CLDN14: variants seen among roughly 807,000 people sequenced by gnomAD.
CLDN14 encodes claudin-14.
Under a neutral mutation model 2.1 loss-of-function variants are expected in CLDN14, and 2 were observed. The ratio of observed to expected loss-of-function variants is 0.96; its 90% CI spans 0.39 to 3.01. The LOEUF (loss-of-function observed/expected upper bound fraction) is 3.01. Among genes scored for constraint, CLDN14 ranks in the 30% most tolerant of loss-of-function variants. The pLI is 0.09. For missense variants in CLDN14, 298 were observed against 328.0 expected (o/e 0.91, Z 0.71); for synonymous variants, 136 against 154.4 (o/e 0.88, Z 0.88).
chr21:36,493,607 G>A (rs150541309), intron 2 of CLDN14, among the ~76,000 whole-genome samples: 136 of 152,028 alleles, frequency 8.9e-4, no homozygotes, highest in Middle Eastern at 3.4e-3. Context: ...CCTGGGGCAC[G>A]AGGAGGAGGA....
intron 2 of CLDN14, among the ~76,000 whole-genome samples, chr21:36,501,208 G>A (rs746351118): frequency 7.9e-5 from 12 of 152,126 alleles, no homozygotes; most frequent in Non-Finnish European, 1.6e-4. Context: ...AGCCCCATTT[G>A]CATGAAATGT....
intron 1 of CLDN14, among the ~76,000 whole-genome samples, chr21:36,473,368 G>T (rs140504886): frequency 8.9e-4 from 135 of 152,350 alleles, no homozygotes; most frequent in East Asian, 6.4e-3. Flanking sequence ...AATTACAGGT[G>T]TGAGCCACTG....
intron 1 of CLDN14, among the ~76,000 whole-genome samples, chr21:36,472,903 C>T (rs770496265): frequency 2.0e-5 from 3 of 152,230 alleles, no homozygotes; most frequent in Non-Finnish European, 4.4e-5. Flanking sequence ...CAAATACTAT[C>T]ACATCGGGGC....
chr21:36,569,415 C>CA (rs749837574), intron 1 of CLDN14, among the ~76,000 whole-genome samples: 12,959 of 119,276 alleles, frequency 0.11, 723 homozygotes, highest in African/African-American at 0.2. Context: ...GACTCCGTCT[C>CA]AAAAAAAAAA....
chr21:36,509,191 G>A (rs971614578), intron 2 of CLDN14, among the ~76,000 whole-genome samples: 2 of 152,232 alleles, frequency 1.3e-5, no homozygotes, highest in Admixed American at 6.5e-5. Flanking sequence ...AGCAGGAGGC[G>A]GCCCTAGCGC....
At chr21:36,495,061 C>T (rs965263617) in intron 2 of CLDN14, among the ~76,000 whole-genome samples, 4 of 152,178 alleles carry the variant, frequency 2.6e-5, no homozygotes, top group Admixed American at 1.3e-4. Flanking sequence ...AGCACGGTGC[C>T]TCACGCCTGT....
At chr21:36,571,632 G>A (rs1161567256) in intron 1 of CLDN14, among the ~76,000 whole-genome samples, 3 of 152,166 alleles carry the variant, frequency 2.0e-5, no homozygotes, top group African/African-American at 4.8e-5. Context: ...GTGTGAAGGA[G>A]TGAACTTCAA....
intron 1 of CLDN14, among the ~76,000 whole-genome samples, chr21:36,525,769 C>T (rs541317866): frequency 7.2e-5 from 11 of 152,198 alleles, no homozygotes; most frequent in East Asian, 3.8e-4. Context: ...ACTCCTCCAG[C>T]GATACAGCTG....
chr21:36,507,680 C>CT (rs1158399464), intron 2 of CLDN14, among the ~76,000 whole-genome samples: 1 of 152,140 alleles, frequency 6.6e-6, no homozygotes, highest in Non-Finnish European at 1.5e-5. Context: ...GGGAGAATCA[C>CT]TTGAAACCAG....
chr21:36,534,044 A>G (rs1490948385), intron 1 of CLDN14, among the ~76,000 whole-genome samples: 1 of 152,228 alleles, frequency 6.6e-6, no homozygotes, highest in East Asian at 1.9e-4. Context: ...GCTGAGGACT[A>G]GAACTGAACA....
intron 1 of CLDN14, chr21:36,576,272 T>C (rs2087740908): frequency 6.6e-6 from 1 of 152,224 alleles, no homozygotes; most frequent in Non-Finnish European, 1.5e-5. Context: ...TCTTTCTTTC[T>C]TTCCTTGAAC....
chr21:36,564,677 AG>A (rs2087660250), intron 1 of CLDN14, among the ~76,000 whole-genome samples: 1 of 152,204 alleles, frequency 6.6e-6, no homozygotes, highest in Non-Finnish European at 1.5e-5. Flanking sequence ...AGAACCCATG[AG>A]TATGTTATGT....
intron 1 of CLDN14, among the ~76,000 whole-genome samples, chr21:36,558,383 C>G (rs886149183): frequency 3.3e-5 from 5 of 151,996 alleles, no homozygotes; most frequent in African/African-American, 9.7e-5. Flanking sequence ...TAGTATGAAT[C>G]TTTTTAAACA....
chr21:36,478,946 A>G (rs1316788201), intron 1 of CLDN14, among the ~76,000 whole-genome samples: 1 of 151,710 alleles, frequency 6.6e-6, no homozygotes, highest in Non-Finnish European at 1.5e-5. Flanking sequence ...ACCATTTTTT[A>G]CCCTCATTGA....
intron 1 of CLDN14, among the ~76,000 whole-genome samples, chr21:36,472,925 A>G (rs1031166198): frequency 3.3e-5 from 5 of 152,214 alleles, no homozygotes; most frequent in Admixed American, 3.3e-4. Flanking sequence ...TAGGGCTCCA[A>G]CATAGGAATT....
At chr21:36,526,999 G>C (rs537332622) in intron 1 of CLDN14, among the ~76,000 whole-genome samples, 1 of 152,316 alleles carries the variant, frequency 6.6e-6, no homozygotes, top group South Asian at 2.1e-4. Context: ...TCAGTAGTAA[G>C]AGCCTTTTAT....
chr21:36,507,150 T>C (rs1360685204), intron 2 of CLDN14, among the ~76,000 whole-genome samples: 2 of 147,072 alleles, frequency 1.4e-5, no homozygotes, highest in East Asian at 4.0e-4. Context: ...CTACAGGAAA[T>C]GGCAGCAAAT....
intron 1 of CLDN14, among the ~76,000 whole-genome samples, chr21:36,549,953 T>A (rs560520432): frequency 1.1e-4 from 17 of 152,350 alleles, no homozygotes; most frequent in African/African-American, 3.8e-4. Flanking sequence ...CTTTCTCCTG[T>A]GATTGCAGCT....
At chr21:36,489,192 G>A (rs1342451425) in intron 2 of CLDN14, among the ~76,000 whole-genome samples, 1 of 140,964 alleles carries the variant, frequency 7.1e-6, no homozygotes, top group Non-Finnish European at 1.5e-5. Context: ...AATGGGGGGC[G>A]GGAGAGAGAG....
Sources: allele counts gnomAD v4.1 joint callset (sites outside exome capture counted in the v4.1 genomes callset), GRCh38; gene constraint gnomAD v4.1.1; transcripts MANE v1.5; gene names NCBI Gene and HGNC (gene_info 2026-07-23, HGNC 2026-07-21).